Variants in ABCD2 observed in about 807,000 individuals in gnomAD.
The protein encoded by ABCD2 is ATP binding cassette subfamily D member 2.
In ABCD2, 36 loss-of-function variants were observed where a neutral mutation model predicts 70.9. That is an observed-to-expected ratio of 0.51 (90% confidence interval 0.39 to 0.67). ABCD2 has a LOEUF of 0.67. Ranked by LOEUF, ABCD2 falls within the 30% of genes least tolerant of loss-of-function variation. ABCD2 has a pLI of 0.00. For synonymous variants in ABCD2, 304 were observed against 306.9 expected (o/e 0.99, Z 0.10); for missense variants, 729 against 890.2 (o/e 0.82, Z 2.30).
intron 2 of ABCD2, among the ~76,000 whole-genome samples, chr12:39,613,385 C>CA (rs71075064): frequency 0.022 from 524 of 23,622 alleles, 97 homozygotes; most frequent in East Asian, 0.076. Context: ...GACTCCGTCT[C>CA]AAAAAAAAAA....
At chr12:39,560,457 C>T (rs1278241480) in intron 9 of ABCD2, among the ~76,000 whole-genome samples, 5 of 152,000 alleles carry the variant, frequency 3.3e-5, no homozygotes, top group Non-Finnish European at 7.4e-5. Flanking sequence ...TGGTAAATCA[C>T]TTATTTCTTT....
intron 2 of ABCD2, 31 bp from the exon 3 acceptor site, chr12:39,607,745 G>GTT (rs58771682): frequency 0.085 from 62,936 of 744,746 alleles, 9 homozygotes; most frequent in South Asian, 0.12. Flanking sequence ...CAAAACTTGA[G>GTT]TTTTTTTTTT....
chr12:39,542,363 T>G, the ABCD2 span, among the ~76,000 whole-genome samples: 46 of 151,140 alleles, frequency 3.0e-4, no homozygotes, highest in African/African-American at 1.1e-3. Context: ...TTCAGGAGGC[T>G]GAGGCAAGAG....
chr12:39,546,442 CAGAG>C (rs1303209041), downstream of ABCD2, among the ~76,000 whole-genome samples: 4 of 152,066 alleles, frequency 2.6e-5, no homozygotes, highest in Admixed American at 6.6e-5. Flanking sequence ...TCCTACCCCA[CAGAG>C]CTTATAGTCT....
At chr12:39,542,904 A>G in the ABCD2 span, among the ~76,000 whole-genome samples, 2 of 152,210 alleles carry the variant, frequency 1.3e-5, no homozygotes, top group Non-Finnish European at 2.9e-5. Flanking sequence ...GACCAGTTGT[A>G]CAGAGTGGAA....
chr12:39,584,013 T>C (rs1423123640), intron 7 of ABCD2, among the ~76,000 whole-genome samples: 1 of 152,182 alleles, frequency 6.6e-6, no homozygotes, highest in Non-Finnish European at 1.5e-5. Context: ...TTGTGGTAGA[T>C]GATTTTATAT....
rs538107887 is a variant in ABCD2, at chr12:39,610,266, C to G, written c.1121-2552G>C. Reference sequence around the variant, plus strand: ...GTTCATGGAGATGTTTTACCATAGTCCAATGTGTCCTCTCCTAGCCTTACT... The same window carrying G: ...GTTCATGGAGATGTTTTACCATAGTGCAATGTGTCCTCTCCTAGCCTTACT... On this transcript the variant is annotated intron_variant, in intron 2 of 9. Transcript: ENST00000308666. Among the ~76,000 whole-genome samples the G allele has an allele frequency of 2.6e-5, 4 of 152,206 alleles. No homozygotes were observed. The South Asian group carries it at 8.3e-4, about 32-fold the overall frequency.
At chr12:39,532,484 G>C in the ABCD2 span, among the ~76,000 whole-genome samples, 5 of 152,146 alleles carry the variant, frequency 3.3e-5, no homozygotes, top group Non-Finnish European at 5.9e-5. Flanking sequence ...GGGGACAAAG[G>C]AGACAAATTG....
chr12:39,562,239 T>C (rs1039470462), intron 9 of ABCD2, among the ~76,000 whole-genome samples: 1 of 151,476 alleles, frequency 6.6e-6, no homozygotes, highest in African/African-American at 2.4e-5. Flanking sequence ...TCAAAATAGA[T>C]TAAAAATGTC....
chr12:39,607,743 GA>G (rs1941988644), intron 2 of ABCD2, 29 bp from the exon 3 acceptor site: 4 of 937,022 alleles, frequency 4.3e-6, no homozygotes, highest in Non-Finnish European at 6.3e-6. Flanking sequence ...TACAAAACTT[GA>G]GTTTTTTTTT....
At chr12:39,571,342 G>T (rs1941445823) in intron 9 of ABCD2, among the ~76,000 whole-genome samples, 1 of 152,012 alleles carries the variant, frequency 6.6e-6, no homozygotes, top group South Asian at 2.1e-4. Context: ...TGGATGAAAA[G>T]ATAAAGAATG....
intron 4 of ABCD2, 96 bp downstream of exon 4, chr12:39,604,666 G>T: frequency 1.1e-6 from 1 of 931,982 alleles, no homozygotes; most frequent in Non-Finnish European, 1.5e-6. Flanking sequence ...TTTAAATGTT[G>T]GTACTTTGTA....
chr12:39,563,470 C>T (rs577068285), intron 9 of ABCD2, among the ~76,000 whole-genome samples: 13 of 152,110 alleles, frequency 8.5e-5, no homozygotes, highest in African/African-American at 3.1e-4. Flanking sequence ...TCACTTTTGC[C>T]ACTTACATTC....
intron 2 of ABCD2, among the ~76,000 whole-genome samples, chr12:39,611,738 C>A (rs1174007765): frequency 6.6e-6 from 1 of 151,822 alleles, no homozygotes; most frequent in Non-Finnish European, 1.5e-5. Context: ...CTATTAGACA[C>A]CATTAAGAGA....
intron 1 of ABCD2, among the ~76,000 whole-genome samples, chr12:39,617,475 C>T (rs1361335982): frequency 6.6e-6 from 1 of 151,878 alleles, no homozygotes; most frequent in African/African-American, 2.4e-5. Context: ...GAGCTTTGTC[C>T]TTGTTGATTA....
intron 6 of ABCD2, among the ~76,000 whole-genome samples, chr12:39,589,600 G>A (rs141471322): frequency 0.052 from 7,883 of 152,026 alleles, 237 homozygotes; most frequent in Middle Eastern, 0.082. Context: ...TGTTAGCCAG[G>A]ATGGTCTTGA....
rs549952948 is a variant in ABCD2 at position 39,564,675 on chromosome 12, T to G, written c.2003+9041A>C. On this transcript the variant is annotated intron_variant, in intron 9 of 9. Transcript: ENST00000308666. ...AATTTTGGCTTTTGTTGCCATTGCT[T>G]TTGGTGTTTTAGACATGAAGTCCTT... Among the ~76,000 whole-genome samples the G allele has an allele frequency of 2.6e-3, 389 of 152,188 alleles. 2 individuals are homozygous for G. Among genetic ancestry groups the G allele is most frequent in the African/African-American group, 8.9e-3 (370 of 41,564 alleles).
At chr12:39,602,420 C>CTG (rs1941912121) in intron 5 of ABCD2, among the ~76,000 whole-genome samples, 1 of 152,014 alleles carries the variant, frequency 6.6e-6, no homozygotes, top group Non-Finnish European at 1.5e-5. Flanking sequence ...TCTCAAAGGG[C>CTG]TGAGATTACA....
At chr12:39,605,030 T>A (rs537518679) in intron 3 of ABCD2, 100 bp from the exon 4 acceptor site, 8 of 908,580 alleles carry the variant, frequency 8.8e-6, no homozygotes, top group Non-Finnish European at 1.2e-5. Context: ...ATGTAAAAGA[T>A]TATATTGCAT....
Sources: allele counts gnomAD v4.1 joint callset (sites outside exome capture counted in the v4.1 genomes callset), GRCh38; gene constraint gnomAD v4.1.1; transcripts MANE v1.5; gene names NCBI Gene and HGNC (gene_info 2026-07-23, HGNC 2026-07-21).